The following MCPH1 variants were observed in gnomAD, a reference collection of about 807,000 sequenced individuals.
MCPH1 encodes microcephalin 1.
In MCPH1, 104 loss-of-function variants were observed where a neutral mutation model predicts 84.5. That is an observed-to-expected ratio of 1.23 (90% CI 1.05 to 1.45). The LOEUF is 1.45. Ranked by LOEUF, MCPH1 falls within the 40% of genes most tolerant of loss-of-function variation. The pLI, the probability that MCPH1 is intolerant of heterozygous loss-of-function variation, is 0.00. For synonymous variants in MCPH1, 514 were observed against 366.8 expected (o/e 1.40, Z -4.58); for missense variants, 1,498 against 1,005.7 (o/e 1.49, Z -6.62).
intron 12 of MCPH1, among the ~76,000 whole-genome samples, chr8:6,530,106 T>C (rs1819182376): frequency 6.6e-6 from 1 of 152,322 alleles, no homozygotes; most frequent in Non-Finnish European, 1.5e-5. Flanking sequence ...TTATGAGACA[T>C]TTTTTGGATG....
chr8:6,521,320 T>G (rs771655113), intron 12 of MCPH1: 2 of 1,613,858 alleles, frequency 1.2e-6, no homozygotes, highest in Non-Finnish European at 1.7e-6. Flanking sequence ...GCTTGGATAC[T>G]AACACCTGTA....
intron 12 of MCPH1, among the ~76,000 whole-genome samples, chr8:6,538,505 T>C (rs543556078): frequency 6.6e-6 from 1 of 152,302 alleles, no homozygotes; most frequent in South Asian, 2.1e-4. Context: ...CACCGCCTCC[T>C]GACTGGCGCC....
intron 12 of MCPH1, among the ~76,000 whole-genome samples, chr8:6,515,194 C>T (rs958258687): frequency 3.5e-5 from 5 of 144,586 alleles, no homozygotes; most frequent in African/African-American, 1.3e-4. Context: ...GCCTTGAAAC[C>T]TTTCACTAAA....
At chr8:6,630,352 G>A (rs1050638971) in intron 13 of MCPH1, among the ~76,000 whole-genome samples, 4 of 152,210 alleles carry the variant, frequency 2.6e-5, no homozygotes, top group African/African-American at 9.7e-5. Flanking sequence ...AATCATAAGA[G>A]AGCATGATGA....
rs138836049 is a variant in MCPH1 at position 6,646,884 on chromosome 8, C to T, written c.*3835C>T. 9.2e-5 allele frequency: 14 copies of T among 152,248 alleles called. No individual in the cohort carries two copies. Among genetic ancestry groups the T allele is most frequent in the African/African-American group, 3.4e-4 (14 of 41,532 alleles). The allele number at this position is 152,248 out of a possible 1,614,324, so 9.4% of individuals were successfully genotyped here. On this transcript the variant is annotated 3_prime_UTR_variant, in exon 14 of 14. Transcript: ENST00000344683. ...GAAGAAAGCATAGCAGGAAATCATT[C>T]TGACCTCAGGTTAGGCAAAGCTTTC...
intron 11 of MCPH1, among the ~76,000 whole-genome samples, chr8:6,496,183 T>G (rs1586109158): frequency 6.6e-6 from 1 of 151,832 alleles, no homozygotes; most frequent in African/African-American, 2.4e-5. Context: ...CATCGGGGGG[T>G]GACGAGAGAC....
rs117151491 is a variant in MCPH1, at chr8:6,620,314, A to G, written c.2215-1140A>G. ...TCTACTCCATTGATGCTGGAGCTATATTTTCACAGTAGGATCCTCTTTTGT... is the reference window on the plus strand; with the variant it reads ...TCTACTCCATTGATGCTGGAGCTATGTTTTCACAGTAGGATCCTCTTTTGT... On this transcript the variant is annotated intron_variant, in intron 12 of 13. Transcript: ENST00000344683. 4.6e-5 allele frequency: 7 copies of G among 152,318 alleles called. No homozygotes were observed. The East Asian group carries it at 1.3e-3, about 29-fold the overall frequency. 9.4% of individuals were successfully genotyped at this position (152,318 alleles called of 1,614,324 possible). A position where few individuals can be genotyped will look rare whatever the true frequency, so the allele number is the denominator to read the frequency against.
chr8:6,479,386 A>G (rs889263584), intron 10 of MCPH1, among the ~76,000 whole-genome samples: 2 of 151,514 alleles, frequency 1.3e-5, no homozygotes, highest in South Asian at 4.2e-4. Context: ...GAGAGGAGAG[A>G]TGTTTATTTC....
In MCPH1 at chr8:6,643,325, C is replaced by T. The variant is rs1394337903; in HGVS notation, c.*276C>T. On this transcript the variant is annotated 3_prime_UTR_variant, in exon 14 of 14. Transcript: ENST00000344683. The stretch of plus-strand genomic sequence containing the variant: ...TGTTTCCCAGGCTGGAGTGCAATGG[C>T]ACAATCTCGGCTCACTGCAACCTCC... The T allele has an allele frequency of 2.0e-5, 9 of 443,992 alleles. No individual in the cohort carries two copies. The highest frequency in any genetic ancestry group is 4.0e-5 in the African/African-American group (2 of 50,146). 27.5% of individuals were successfully genotyped at this position (443,992 alleles called of 1,614,324 possible).
intron 12 of MCPH1, among the ~76,000 whole-genome samples, chr8:6,543,943 A>G (rs1445502393): frequency 5.3e-5 from 8 of 152,232 alleles, no homozygotes; most frequent in Admixed American, 2.0e-4. Flanking sequence ...TAACGGGGCT[A>G]TGTTTTGCAC....
chr8:6,449,002 G>C lies in MCPH1; in HGVS notation c.1825+3455G>C, dbSNP rs559251386. Among the ~76,000 whole-genome samples, 94 of 152,152 alleles carry C rather than the reference G, an allele frequency of 6.2e-4. 1 individual carries two copies. The highest frequency in any genetic ancestry group is 2.1e-3 in the African/African-American group (88 of 41,504). ...AAAAATAAAATAATTTGTGGTGGGG[G>C]AATAATAACATTTCATTTAATTGGA... On this transcript the variant is annotated intron_variant, in intron 8 of 13. Coordinates refer to ENST00000344683, the MANE Select transcript of MCPH1 (RefSeq NM_024596.5).
chr8:6,636,275 G>C (rs1797549412), intron 13 of MCPH1, among the ~76,000 whole-genome samples: 2 of 150,392 alleles, frequency 1.3e-5, no homozygotes, highest in African/African-American at 2.5e-5. Context: ...GGGAGGTAGA[G>C]ATTGCAGTGA....
At chr8:6,461,335 T>TA in intron 9 of MCPH1, among the ~76,000 whole-genome samples, 1 of 147,660 alleles carries the variant, frequency 6.8e-6, no homozygotes, top group Admixed American at 6.7e-5. Flanking sequence ...CTTTTTTTTT[T>TA]TTTTTTTTGA....
chr8:6,487,188 A>T (rs1416923183), intron 11 of MCPH1, among the ~76,000 whole-genome samples: 5 of 152,266 alleles, frequency 3.3e-5, no homozygotes, highest in Non-Finnish European at 5.9e-5. Flanking sequence ...AATCAGCTTT[A>T]CAACAAAATG....
intron 8 of MCPH1, among the ~76,000 whole-genome samples, chr8:6,448,999 G>A (rs187944012): frequency 1.1e-3 from 168 of 150,858 alleles, no homozygotes; most frequent in African/African-American, 3.7e-3. Flanking sequence ...ATTTGTGGTG[G>A]GGGAATAATA....
chr8:6,573,338 T>G (rs1445408284), intron 12 of MCPH1, among the ~76,000 whole-genome samples: 1 of 152,034 alleles, frequency 6.6e-6, no homozygotes, highest in African/African-American at 2.4e-5. Context: ...TGGCCTGTGC[T>G]AGAATATTAA....
intron 12 of MCPH1, among the ~76,000 whole-genome samples, chr8:6,608,903 G>C (rs1481170654): frequency 2.0e-5 from 3 of 152,116 alleles, no homozygotes; most frequent in African/African-American, 4.8e-5. Flanking sequence ...ATTAGCGTGG[G>C]GTGGGGCCCC....
intron 13 of MCPH1, among the ~76,000 whole-genome samples, chr8:6,628,943 TC>T (rs1006109747): frequency 6.6e-6 from 1 of 152,226 alleles, no homozygotes; most frequent in African/African-American, 2.4e-5. Flanking sequence ...AACTTGTGTT[TC>T]TTTTTGTTGT....
chr8:6,445,612 T>C (rs1265728989), intron 8 of MCPH1, 65 bp downstream of exon 8: 1 of 1,514,596 alleles, frequency 6.6e-7, no homozygotes, highest in African/African-American at 1.4e-5. Flanking sequence ...ATCCATATTT[T>C]AAATTTATCA....
Sources: allele counts gnomAD v4.1 joint callset (sites outside exome capture counted in the v4.1 genomes callset), GRCh38; gene constraint gnomAD v4.1.1; transcripts MANE v1.5; gene names NCBI Gene and HGNC (gene_info 2026-07-23, HGNC 2026-07-21).